The following RBFOX1 variants were observed in gnomAD, a reference collection of about 807,000 sequenced individuals.
RBFOX1 encodes RNA binding protein fox-1 homolog 1.
Under a neutral mutation model 57.7 loss-of-function variants are expected in RBFOX1, and 8 were observed. The observed-to-expected ratio is 0.14, with a 90% CI of 0.08 to 0.25. The LOEUF (loss-of-function observed/expected upper bound fraction) is 0.25, where lower values mean the gene tolerates loss of function less well. Ranked by LOEUF, RBFOX1 falls within the 10% of genes least tolerant of loss-of-function variation. RBFOX1 has a pLI of 1.00. For synonymous variants in RBFOX1, 326 were observed against 222.4 expected (o/e 1.47, Z -4.15); for missense variants, 611 against 548.5 (o/e 1.11, Z -1.14).
chr16:6,516,816 G>A lies in RBFOX1; in HGVS notation c.-63-137787G>A, dbSNP rs887744022. On this transcript the variant is annotated intron_variant, in intron 2 of 15. Coordinates refer to ENST00000550418, the MANE Select transcript of RBFOX1 (RefSeq NM_018723.4). ...TTCACCAATAGTTGGTAGAGACATTGCAACACAAAACCTGCCCAGGTGTGG... is the reference window on the plus strand; with the variant it reads ...TTCACCAATAGTTGGTAGAGACATTACAACACAAAACCTGCCCAGGTGTGG... Among the ~76,000 whole-genome samples the A allele has an allele frequency of 3.3e-5, 5 of 152,136 alleles. No individual in the cohort carries two copies. In the East Asian group the frequency reaches 9.6e-4, roughly 29 times the overall value.
chr16:5,739,450 T>C (rs2052698631), intron 3 of RBFOX1, among the ~76,000 whole-genome samples: 1 of 152,168 alleles, frequency 6.6e-6, no homozygotes, highest in Admixed American at 6.5e-5. Context: ...ATAAGTAAGT[T>C]ATAAGGAGTA....
chr16:5,342,601 A>T (rs1160561806), intron 1 of RBFOX1, among the ~76,000 whole-genome samples: 1 of 152,130 alleles, frequency 6.6e-6, no homozygotes, highest in Middle Eastern at 3.2e-3. Flanking sequence ...AAGGACTCAA[A>T]AATGCAAAAT....
rs554203780 is a variant in RBFOX1, at chr16:6,924,728, C to G, written c.-15-127329C>G. 4.6e-5 allele frequency among the ~76,000 whole-genome samples: 7 copies of G among 151,592 alleles called. No homozygotes were observed. The South Asian group carries it at 1.3e-3, about 27-fold the overall frequency. Reference sequence around the variant, plus strand: ...TAAGTTTTAGGGTACATGTGCACAACGTGCAGGTTTGTTACATATTTATAC... The same window carrying G: ...TAAGTTTTAGGGTACATGTGCACAAGGTGCAGGTTTGTTACATATTTATAC... On this transcript the variant is annotated intron_variant, in intron 3 of 15. Transcript: ENST00000550418.
At chr16:7,130,894 G>T (rs1359513125) in intron 4 of RBFOX1, among the ~76,000 whole-genome samples, 1 of 152,162 alleles carries the variant, frequency 6.6e-6, no homozygotes, top group Admixed American at 6.5e-5. Context: ...TGAGGCGACA[G>T]TGACACAGCA....
At chr16:7,343,939 A>G (rs1305840326) in intron 4 of RBFOX1, among the ~76,000 whole-genome samples, 1 of 152,136 alleles carries the variant, frequency 6.6e-6, no homozygotes, top group Non-Finnish European at 1.5e-5. Flanking sequence ...TGTATTTACA[A>G]GTTTATTTCC....
chr16:7,241,820 T>C (rs1315710676), intron 4 of RBFOX1, among the ~76,000 whole-genome samples: 2 of 138,594 alleles, frequency 1.4e-5, no homozygotes, highest in African/African-American at 5.5e-5. Flanking sequence ...CATATACATA[T>C]ATGTTTATAC....
In RBFOX1 at chr16:6,244,788, G is replaced by A. The variant is rs369039550; in HGVS notation, c.-126-72207G>A. 3.9e-4 allele frequency among the ~76,000 whole-genome samples: 60 copies of A among 152,276 alleles called. 1 individual carries two copies. The highest frequency in any genetic ancestry group is 1.3e-3 in the African/African-American group (55 of 41,572). On this transcript the variant is annotated intron_variant, in intron 1 of 15. Transcript: ENST00000550418. ...CTCCCAAAGTGCTGGGATTACAGGCGTGAGCCAACACACCCGGCAAACTTC... is the reference window on the plus strand; with the variant it reads ...CTCCCAAAGTGCTGGGATTACAGGCATGAGCCAACACACCCGGCAAACTTC...
chr16:7,525,580 A>G (rs989773350), intron 5 of RBFOX1, among the ~76,000 whole-genome samples: 1 of 152,096 alleles, frequency 6.6e-6, no homozygotes, highest in Non-Finnish European at 1.5e-5. Context: ...GCCCAACCCA[A>G]TGTGCTAGCC....
intron 3 of RBFOX1, among the ~76,000 whole-genome samples, chr16:5,665,132 G>T (rs1180493340): frequency 2.4e-4 from 19 of 78,266 alleles, no homozygotes; most frequent in South Asian, 8.4e-4. Flanking sequence ...ATTTTTACAT[G>T]GGGGGGGGCG....
At chr16:5,657,675 CT>C (rs373976026) in intron 3 of RBFOX1, among the ~76,000 whole-genome samples, 30,461 of 82,328 alleles carry the variant, frequency 0.37, 4,263 homozygotes, top group Non-Finnish European at 0.41. Context: ...TCTTTCTTTT[CT>C]TTTCTTTCTT....
intron 4 of RBFOX1, among the ~76,000 whole-genome samples, chr16:5,929,315 CCTCT>C (rs112397291): frequency 1.7e-4 from 25 of 147,892 alleles, no homozygotes; most frequent in East Asian, 4.0e-4. Flanking sequence ...CAGTCTTAAG[CCTCT>C]CTCTCTCTCT....
At position 7,616,681 on chromosome 16, in the gene RBFOX1, G is replaced by A. The variant is rs551175276; in HGVS notation, c.676+9343G>A. 1.4e-4 allele frequency among the ~76,000 whole-genome samples: 22 copies of A among 152,176 alleles called. No individual in the cohort carries two copies. The South Asian group carries it at 2.3e-3, about 16-fold the overall frequency. On this transcript the variant is annotated intron_variant, in intron 10 of 15. Transcript: ENST00000550418. ...CAGGTAGCTGGGATTACTGGTGCCCGCCACCACACCCAGCTAACTTTTGTA... is the reference window on the plus strand; with the variant it reads ...CAGGTAGCTGGGATTACTGGTGCCCACCACCACACCCAGCTAACTTTTGTA...
chr16:7,676,396 T>C (rs139530651), intron 13 of RBFOX1, among the ~76,000 whole-genome samples: 1 of 152,214 alleles, frequency 6.6e-6, no homozygotes. Flanking sequence ...TAATATCTGA[T>C]AAAGGTAAAG....
chr16:5,593,656 C>T (rs146262790), intron 2 of RBFOX1, among the ~76,000 whole-genome samples: 75 of 152,166 alleles, frequency 4.9e-4, no homozygotes, highest in Middle Eastern at 3.4e-3. Flanking sequence ...AGGAAGTTAC[C>T]GTATATGGTC....
intron 3 of RBFOX1, among the ~76,000 whole-genome samples, chr16:6,791,499 C>G (rs1031569915): frequency 3.9e-5 from 6 of 152,300 alleles, no homozygotes; most frequent in South Asian, 2.1e-4. Flanking sequence ...TGGCTCACAC[C>G]TGTAATCCCA....
At chr16:6,287,744 C>G (rs770020370) in intron 1 of RBFOX1, among the ~76,000 whole-genome samples, 1 of 152,080 alleles carries the variant, frequency 6.6e-6, no homozygotes, top group African/African-American at 2.4e-5. Flanking sequence ...CATATTAAGA[C>G]CATTCTCCAT....
chr16:7,444,506 A>T (rs2098793649), intron 4 of RBFOX1, among the ~76,000 whole-genome samples: 1 of 152,060 alleles, frequency 6.6e-6, no homozygotes, highest in Non-Finnish European at 1.5e-5. Flanking sequence ...TTCTGCAAAA[A>T]TTCCTCTGAC....
chr16:6,838,780 G>A (rs1386591263), intron 3 of RBFOX1, among the ~76,000 whole-genome samples: 1 of 152,116 alleles, frequency 6.6e-6, no homozygotes, highest in East Asian at 1.9e-4. Flanking sequence ...TCATACAAAT[G>A]TACATGCCTC....
In RBFOX1 at chr16:7,001,364, G is replaced by T. The variant is rs981415561; in HGVS notation, c.-15-50693G>T. Among the ~76,000 whole-genome samples, 14 of 114,744 alleles carry T rather than the reference G, an allele frequency of 1.2e-4. No homozygotes were observed. The East Asian group carries it at 1.9e-3, about 16-fold the overall frequency. The allele number at this position is 114,744 out of a possible 152,430, so 75.3% of individuals were successfully genotyped here. A position where few individuals can be genotyped will look rare whatever the true frequency, so the allele number is the denominator to read the frequency against. On this transcript the variant is annotated intron_variant, in intron 3 of 15. Transcript: ENST00000550418. Reference sequence around the variant, plus strand: ...TGACTCTGTGTGTGTGTGTTTGTGTGTATGTGTATGTGTATGTGTATGTGT... The same window carrying T: ...TGACTCTGTGTGTGTGTGTTTGTGTTTATGTGTATGTGTATGTGTATGTGT...
Sources: allele counts gnomAD v4.1 joint callset (sites outside exome capture counted in the v4.1 genomes callset), GRCh38; gene constraint gnomAD v4.1.1; transcripts MANE v1.5; gene names NCBI Gene and HGNC (gene_info 2026-07-23, HGNC 2026-07-21).